The following PLA2G10 variants were observed in gnomAD, a reference collection of about 807,000 sequenced individuals.
PLA2G10 encodes the protein phospholipase A2 group X.
In PLA2G10, 9 loss-of-function variants were observed where a neutral mutation model predicts 7.9. The ratio of observed to expected loss-of-function variants is 1.14; its 90% confidence interval spans 0.68 to 1.98. PLA2G10 has a LOEUF of 1.98. Among genes scored for constraint, PLA2G10 ranks in the 30% most tolerant of loss-of-function variants. The probability of loss-of-function intolerance (pLI) is 0.00; values close to 1 mark genes in which losing one functional copy is unlikely to be tolerated. For missense variants in PLA2G10, 53 were observed against 65.4 expected, an observed-to-expected ratio of 0.81 and a Z score of 0.66; for synonymous variants, 19 against 27.5, an observed-to-expected ratio of 0.69 and a Z score of 0.97.
intron 3 of PLA2G10, among the ~76,000 whole-genome samples, chr16:14,687,660 G>T (rs1567507402): frequency 6.6e-6 from 1 of 151,906 alleles, no homozygotes. Context: ...AAATAATTAG[G>T]TTTCTTCATG....
At chr16:14,680,639 G>T (rs1960864648) in intron 3 of PLA2G10, among the ~76,000 whole-genome samples, 1 of 152,148 alleles carries the variant, frequency 6.6e-6, no homozygotes, top group African/African-American at 2.4e-5. Flanking sequence ...TGGGATTACA[G>T]GTGGGAGCCA....
Position 14,672,648 on chromosome 16 carries a change from G to A in PLA2G10, c.457C>T (p.Pro153Ser), listed in dbSNP as rs1960619448. The change falls in exon 4 of 4, where the codon CCC becomes TCC. Residue 153 changes from proline to serine, a missense_variant. By Grantham distance (74) the Pro-to-Ser change is moderately conservative (BLOSUM62 -1). Transcript: ENST00000438167. ...TEYNLKYLFY[P>S]QFLCEPDSPK... is the part of the protein sequence containing the mutation. ...GAGTCCGGCTCACATAGGAACTGGGGGTAGAAGAGGTACTTTAAGTTGTAC... is the reference window on the plus strand; with the variant it reads ...GAGTCCGGCTCACATAGGAACTGGGAGTAGAAGAGGTACTTTAAGTTGTAC... 1 of 1,614,086 alleles carries A rather than the reference G, an allele frequency of 6.2e-7. No homozygotes were observed. The highest frequency in any genetic ancestry group is 8.5e-7 in the Non-Finnish European group (1 of 1,179,958).
intron 3 of PLA2G10, among the ~76,000 whole-genome samples, chr16:14,674,408 A>G (rs1242082718): frequency 6.6e-6 from 1 of 152,170 alleles, no homozygotes; most frequent in African/African-American, 2.4e-5. Flanking sequence ...ATGGAACTAA[A>G]AAAGAGCCAA....
chr16:14,676,643 C>T (rs1015612585), intron 3 of PLA2G10, among the ~76,000 whole-genome samples: 1 of 152,158 alleles, frequency 6.6e-6, no homozygotes, highest in East Asian at 1.9e-4. Context: ...CACGCCACTG[C>T]ACTCCAACCT....
intron 3 of PLA2G10, among the ~76,000 whole-genome samples, chr16:14,680,833 G>T (rs1293679345): frequency 6.6e-6 from 1 of 152,068 alleles, no homozygotes; most frequent in African/African-American, 2.4e-5. Context: ...GAGCCCGGCA[G>T]AGTAGACTCA....
intron 3 of PLA2G10, chr16:14,678,904 T>C: frequency 4.0e-6 from 1 of 249,304 alleles, no homozygotes; most frequent in Non-Finnish European, 8.2e-6. Flanking sequence ...CCCCTACTTC[T>C]GTCACTCTGG....
intron 3 of PLA2G10, chr16:14,678,545 G>A (rs1467757146): frequency 4.3e-6 from 1 of 231,424 alleles, no homozygotes; most frequent in Non-Finnish European, 8.8e-6. Flanking sequence ...GAGGTAGGTG[G>A]GTCACCCGAG....
At chr16:14,672,894 C>T in intron 3 of PLA2G10, 145 bp from the exon 4 acceptor site, 2 of 709,144 alleles carry the variant, frequency 2.8e-6, no homozygotes, top group Non-Finnish European at 4.7e-6. Flanking sequence ...GCAGGGCTCC[C>T]CAGGAAGCAG....
chr16:14,684,096 C>T (rs186114556), intron 3 of PLA2G10, among the ~76,000 whole-genome samples: 5,367 of 151,458 alleles, frequency 0.035, 137 homozygotes, highest in Non-Finnish European at 0.051. Context: ...CGTGGTGGCT[C>T]GCGCCTGTAA....
At chr16:14,675,615 T>C (rs1194010267) in intron 3 of PLA2G10, among the ~76,000 whole-genome samples, 1 of 151,808 alleles carries the variant, frequency 6.6e-6, no homozygotes, top group Non-Finnish European at 1.5e-5. Context: ...AAAACTCAAA[T>C]CAGCAAGAAG....
At chr16:14,679,591 C>T (rs913600901) in intron 3 of PLA2G10, among the ~76,000 whole-genome samples, 5 of 148,968 alleles carry the variant, frequency 3.4e-5, no homozygotes, top group Non-Finnish European at 4.4e-5. Context: ...ACTCGGGAGA[C>T]GGAGGTTGCA....
At chr16:14,683,236 GTT>G (rs765772776) in intron 3 of PLA2G10, among the ~76,000 whole-genome samples, 2 of 135,058 alleles carry the variant, frequency 1.5e-5, no homozygotes, top group Admixed American at 7.8e-5. Context: ...TTCTTTTTTT[GTT>G]TTTTTTTTTT....
intron 3 of PLA2G10, among the ~76,000 whole-genome samples, chr16:14,685,340 C>G (rs1961023039): frequency 6.6e-6 from 1 of 150,858 alleles, no homozygotes; most frequent in Admixed American, 6.6e-5. Context: ...CCACTGCACT[C>G]CAGCCTGGGT....
chr16:14,683,580 C>G (rs1476792771), intron 3 of PLA2G10, among the ~76,000 whole-genome samples: 1 of 152,034 alleles, frequency 6.6e-6, no homozygotes, highest in East Asian at 1.9e-4. Context: ...GGGGAAGAGT[C>G]TCTTCAACCA....
chr16:14,681,428 C>G (rs772484154), intron 3 of PLA2G10, among the ~76,000 whole-genome samples: 39 of 151,958 alleles, frequency 2.6e-4, no homozygotes, highest in Non-Finnish European at 4.9e-4. Flanking sequence ...TCTGCTTGTC[C>G]TCTTACTTTT....
chr16:14,673,220 G>A (rs1465364669), intron 3 of PLA2G10, among the ~76,000 whole-genome samples: 2 of 151,500 alleles, frequency 1.3e-5, no homozygotes, highest in East Asian at 1.9e-4. Context: ...ACAGGGTTTC[G>A]TCGTGTTGGC....
intron 3 of PLA2G10, among the ~76,000 whole-genome samples, chr16:14,679,678 AT>A (rs1960833692): frequency 4.0e-5 from 6 of 149,432 alleles, no homozygotes; most frequent in African/African-American, 1.2e-4. Flanking sequence ...AAAAAAAATA[AT>A]AATAATAATA....
At chr16:14,686,227 C>G (rs1961058720) in intron 3 of PLA2G10, among the ~76,000 whole-genome samples, 1 of 151,894 alleles carries the variant, frequency 6.6e-6, no homozygotes, top group Non-Finnish European at 1.5e-5. Context: ...TTCCTAGGCT[C>G]AAGCCATCTG....
At chr16:14,686,876 C>T (rs779183702) in intron 3 of PLA2G10, among the ~76,000 whole-genome samples, 63 of 152,008 alleles carry the variant, frequency 4.1e-4, no homozygotes, top group Non-Finnish European at 8.4e-4. Flanking sequence ...GAGGCTGAGG[C>T]GGGTGGATCA....
Sources: allele counts gnomAD v4.1 joint callset (sites outside exome capture counted in the v4.1 genomes callset), GRCh38; gene constraint gnomAD v4.1.1; transcripts MANE v1.5; gene names NCBI Gene and HGNC (gene_info 2026-07-23, HGNC 2026-07-21).